QPCT: variants seen among roughly 807,000 people sequenced by gnomAD.
QPCT encodes glutaminyl-peptide cyclotransferase.
In QPCT, 44 loss-of-function variants were observed where a neutral mutation model predicts 43.4. That is an observed-to-expected ratio of 1.01 (90% CI 0.80 to 1.30). QPCT has a LOEUF of 1.30. Among genes scored for constraint, QPCT ranks in the 50% most tolerant of loss-of-function variants. The pLI, the probability that QPCT is intolerant of heterozygous loss-of-function variation, is 0.00. For missense variants in QPCT, 526 were observed against 436.5 expected (o/e 1.21, Z -1.83); for synonymous variants, 168 against 168.4 (o/e 1.00, Z 0.02).
At chr2:37,361,264 G>C (rs1167237778) in intron 3 of QPCT, among the ~76,000 whole-genome samples, 1 of 152,174 alleles carries the variant, frequency 6.6e-6, no homozygotes, top group African/African-American at 2.4e-5. Context: ...AGCTGTCATG[G>C]ATTGGGTAGA....
intron 3 of QPCT, among the ~76,000 whole-genome samples, chr2:37,360,620 C>T (rs1414139248): frequency 6.6e-6 from 1 of 152,132 alleles, no homozygotes; most frequent in Admixed American, 6.5e-5. Context: ...AAGGGTCCAG[C>T]CTTTGATACA....
rs1439975458 is a variant in QPCT, at chr2:37,372,841, T to G, written c.*14T>G. 2 of 1,586,780 alleles carry G rather than the reference T, an allele frequency of 1.3e-6. No homozygotes were observed. The highest frequency in any genetic ancestry group is 1.7e-6 in the Non-Finnish European group (2 of 1,164,396). On this transcript the variant is annotated 3_prime_UTR_variant, in exon 7 of 7. Coordinates refer to ENST00000338415, the MANE Select transcript of QPCT (RefSeq NM_012413.4). The stretch of plus-strand genomic sequence containing the variant: ...CTTCATTTGTAATACTCTGATTTAG[T>G]TTAGGATAATTGGTTCTAGAATTGA...
At chr2:37,349,644 C>T (rs1672577462) in intron 1 of QPCT, among the ~76,000 whole-genome samples, 7 of 152,138 alleles carry the variant, frequency 4.6e-5, no homozygotes, top group Admixed American at 4.6e-4. Context: ...TTTTGGTTGT[C>T]ATAGTGACTG....
chr2:37,355,044 A>G (rs1317311432), intron 2 of QPCT, among the ~76,000 whole-genome samples: 1 of 152,254 alleles, frequency 6.6e-6, no homozygotes, highest in Non-Finnish European at 1.5e-5. Context: ...TAAAAGTGTT[A>G]CTGAAGTTTC....
At chr2:37,367,622 A>G (rs1232764584) in intron 4 of QPCT, among the ~76,000 whole-genome samples, 1 of 152,176 alleles carries the variant, frequency 6.6e-6, no homozygotes, top group Non-Finnish European at 1.5e-5. Context: ...CTGTAATCCC[A>G]GCATTTTGGG....
intron 4 of QPCT, among the ~76,000 whole-genome samples, chr2:37,369,299 A>G (rs1025505036): frequency 6.6e-5 from 10 of 152,356 alleles, no homozygotes; most frequent in African/African-American, 2.4e-4. Context: ...TTATCATTAC[A>G]GATTAAGGAT....
chr2:37,345,835 C>CAA lies in QPCT; in HGVS notation c.120+1003_120+1004dup, dbSNP rs70949752. On this transcript the variant is annotated intron_variant, in intron 1 of 6. Coordinates refer to ENST00000338415, the MANE Select transcript of QPCT (RefSeq NM_012413.4). The stretch of plus-strand genomic sequence containing the variant: ...TGGGCGACACAGCGAGACTCCGTCT[C>CAA]AAAAAAAAAAAAAAAAAAAAGAAGT... 5.8e-3 allele frequency among the ~76,000 whole-genome samples: 478 copies of CAA among 82,400 alleles called. 9 individuals carry two copies. Among genetic ancestry groups the CAA allele is most frequent in the Non-Finnish European group, 8.5e-3 (356 of 41,746 alleles). The allele number at this position is 82,400 out of a possible 152,430, so 54.1% of individuals were successfully genotyped here.
In QPCT at chr2:37,348,813, G is replaced by A. The variant is rs143153150; in HGVS notation, c.120+3962G>A. Among the ~76,000 whole-genome samples, 127 of 152,270 alleles carry A rather than the reference G, an allele frequency of 8.3e-4. 1 individual carries two copies. The East Asian group carries it at 0.018, about 22-fold the overall frequency. On this transcript the variant is annotated intron_variant, in intron 1 of 6. Coordinates refer to ENST00000338415, the MANE Select transcript of QPCT (RefSeq NM_012413.4). ...GAGCCTCATTCCTCTGAGAACACCT[G>A]CACCAATAGAAAATTGTCTAAGTGT...
rs111911070 is a variant in QPCT, at chr2:37,352,847, C to T, written c.179C>T (p.Thr60Ile). ...GCTCTTCGGCAAATTGCAGAAGGCA[C>T]CAGTATCTCTGAAATGTGGCAAAAT... ...SSALRQIAEG[T>I]SISEMWQNDL... The change falls in exon 2 of 7, where the codon ACC (threonine) becomes ATC (isoleucine). Residue 60 changes from threonine to isoleucine, a missense_variant. Transcript: ENST00000338415. 1.8e-5 allele frequency: 29 copies of T among 1,614,162 alleles called. No individual in the cohort carries two copies. The African/African-American group carries it at 2.1e-4, about 12-fold the overall frequency.
intron 6 of QPCT, 76 bp from the exon 7 acceptor site, chr2:37,372,606 C>G: frequency 6.6e-7 from 1 of 1,526,152 alleles, no homozygotes; most frequent in Non-Finnish European, 9.0e-7. Flanking sequence ...AGAGCTCCCT[C>G]TGCTTGAAGA....
intron 1 of QPCT, among the ~76,000 whole-genome samples, 164 bp from the exon 2 acceptor site, chr2:37,352,625 C>A (rs1479148756): frequency 6.6e-6 from 1 of 152,208 alleles, no homozygotes; most frequent in Non-Finnish European, 1.5e-5. Context: ...AGCCACCGTG[C>A]CCAGCCCTAA....
chr2:37,345,470 A>T (rs143510440), intron 1 of QPCT, among the ~76,000 whole-genome samples: 1 of 152,332 alleles, frequency 6.6e-6, no homozygotes, highest in Non-Finnish European at 1.5e-5. Flanking sequence ...GAGAAAATGG[A>T]TCTAGTTGTA....
intron 3 of QPCT, among the ~76,000 whole-genome samples, chr2:37,364,655 G>T (rs1472617859): frequency 6.6e-6 from 1 of 152,184 alleles, no homozygotes; most frequent in Non-Finnish European, 1.5e-5. Flanking sequence ...ATCCCCACTG[G>T]TTTTTGGTCT....
chr2:37,344,878 A>G, intron 1 of QPCT, 27 bp downstream of exon 1: 1 of 1,555,000 alleles, frequency 6.4e-7, no homozygotes, highest in Non-Finnish European at 8.7e-7. Context: ...GCGTAGTTGT[A>G]CTTGAGCGGC....
intron 1 of QPCT, among the ~76,000 whole-genome samples, chr2:37,350,278 T>C (rs1434626013): frequency 6.6e-6 from 1 of 152,210 alleles, no homozygotes; most frequent in Non-Finnish European, 1.5e-5. Flanking sequence ...GACAGGCTTC[T>C]GTTGGCAGGG....
intron 1 of QPCT, among the ~76,000 whole-genome samples, chr2:37,345,960 T>C (rs1294864809): frequency 1.3e-5 from 2 of 152,218 alleles, no homozygotes; most frequent in Non-Finnish European, 2.9e-5. Context: ...ATATTAATGA[T>C]GTCAGCATAA....
At chr2:37,364,399 G>A (rs1036716223) in intron 3 of QPCT, among the ~76,000 whole-genome samples, 3 of 152,210 alleles carry the variant, frequency 2.0e-5, no homozygotes, top group Admixed American at 6.5e-5. Flanking sequence ...GTCCAGGCTG[G>A]AGCAGGCAGC....
intron 1 of QPCT, among the ~76,000 whole-genome samples, chr2:37,347,163 TAAC>T (rs750007472): frequency 0.1 from 3,324 of 31,926 alleles, 167 homozygotes; most frequent in East Asian, 0.16. Context: ...TATATATATA[TAAC>T]ATATATATAT....
intron 3 of QPCT, among the ~76,000 whole-genome samples, chr2:37,365,382 A>G (rs890057921): frequency 8.5e-5 from 13 of 152,210 alleles, no homozygotes; most frequent in African/African-American, 3.1e-4. Flanking sequence ...TGACCACTGG[A>G]TGTAGCCATG....
Sources: allele counts gnomAD v4.1 joint callset (sites outside exome capture counted in the v4.1 genomes callset), GRCh38; gene constraint gnomAD v4.1.1; transcripts MANE v1.5; gene names NCBI Gene and HGNC (gene_info 2026-07-23, HGNC 2026-07-21).